The following ITGAE variants were observed in gnomAD, a reference collection of about 807,000 sequenced individuals.
ITGAE encodes the protein integrin alpha-E.
Under a neutral mutation model 136.5 loss-of-function variants are expected in ITGAE, and 99 were observed. The observed-to-expected ratio is 0.73, with a 90% CI of 0.62 to 0.86. The LOEUF (loss-of-function observed/expected upper bound fraction) is 0.86. Ranked by LOEUF, ITGAE falls within the 40% of genes least tolerant of loss-of-function variation. ITGAE has a pLI of 0.00. For synonymous variants in ITGAE, 613 were observed against 591.8 expected (o/e 1.04, Z -0.52); for missense variants, 1,447 against 1,515.3 (o/e 0.95, Z 0.75).
intron 2 of ITGAE, among the ~76,000 whole-genome samples, chr17:3,765,838 C>T (rs1430887604): frequency 1.3e-5 from 2 of 152,080 alleles, no homozygotes; most frequent in South Asian, 2.1e-4. Flanking sequence ...TCTTCCTTGC[C>T]GGCACACTCT....
chr17:3,743,526 A>G lies in ITGAE; in HGVS notation c.2411T>C (p.Ile804Thr), dbSNP rs1597322793. The G allele has an allele frequency of 6.2e-7, 1 of 1,610,536 alleles. No homozygotes were observed. The highest frequency in any genetic ancestry group is 1.1e-5 in the South Asian group (1 of 90,586). The change falls in exon 19 of 31, where the codon ATC becomes ACC. Residue 804 changes from isoleucine to threonine, a missense_variant. Physicochemically the swap from Ile to Thr is moderately conservative, Grantham distance 89. Transcript: ENST00000263087. ...PEGQTDHPQP[I>T]LDRYTEPFAI... ...AAAGGGCTCAGTGTAGCGGTCCAGG[A>G]TGGGCTGGGGATGGTCCGTCTGTCC...
In ITGAE at chr17:3,719,234, T is replaced by TAAAAAAAAA. The variant is rs2050999265; in HGVS notation, c.3333+1072_3333+1073insTTTTTTTTT. 5.7e-5 allele frequency among the ~76,000 whole-genome samples: 2 copies of TAAAAAAAAA among 34,818 alleles called. 1 individual carries two copies. Among genetic ancestry groups the TAAAAAAAAA allele is most frequent in the African/African-American group, 2.4e-4 (2 of 8,240 alleles). 22.8% of individuals were successfully genotyped at this position (34,818 alleles called of 152,430 possible). The stretch of plus-strand genomic sequence containing the variant: ...CTGGGCGACACAGTGAGATTCTTCC[T>TAAAAAAAAA]CAAAAAAAAAAAAAAAAAAAAAGAA... On this transcript the variant is annotated intron_variant, in intron 29 of 30. Coordinates refer to ENST00000263087, the MANE Select transcript of ITGAE (RefSeq NM_002208.5).
At chr17:3,772,313 G>C (rs560820407) in intron 2 of ITGAE, among the ~76,000 whole-genome samples, 4 of 152,164 alleles carry the variant, frequency 2.6e-5, no homozygotes, top group African/African-American at 9.6e-5. Context: ...TCATGAGCCC[G>C]GGAGCTCCAT....
At chr17:3,753,711 C>A in intron 13 of ITGAE, 72 bp downstream of exon 13, 2 of 1,576,054 alleles carry the variant, frequency 1.3e-6, no homozygotes, top group Middle Eastern at 3.8e-4. Context: ...ACCGTGGGAC[C>A]CACTCCTTTC....
Position 3,795,524 on chromosome 17 carries a change from G to A in ITGAE, c.34+5587C>T, listed in dbSNP as rs375421896. Among the ~76,000 whole-genome samples the A allele has an allele frequency of 7.9e-5, 12 of 152,348 alleles. 1 individual carries two copies. The highest frequency in any genetic ancestry group is 2.6e-4 in the African/African-American group (11 of 41,576). ...GTGGTTTGTGCATGGCCCGTCGGAA[G>A]ATTGAATATTTGTGTCTGGGGCTCA... is the stretch of plus-strand genomic sequence containing the variant. On this transcript the variant is annotated intron_variant, in intron 1 of 30. Transcript: ENST00000263087.
chr17:3,720,227 G>A, intron 29 of ITGAE, 80 bp downstream of exon 29: 3 of 704,782 alleles, frequency 4.3e-6, no homozygotes, highest in Non-Finnish European at 5.2e-6. Context: ...CAGGAAGAGG[G>A]CAACAGAATG....
chr17:3,777,641 A>G lies in ITGAE; in HGVS notation c.54T>C (p.Ala18=), dbSNP rs2143312483. 2 of 1,613,380 alleles carry G rather than the reference A, an allele frequency of 1.2e-6. No homozygotes were observed. Among genetic ancestry groups the G allele is most frequent in the Non-Finnish European group, 8.5e-7 (1 of 1,179,686 alleles). The change falls in exon 2 of 31, where the codon GCT becomes GCC. Residue 18 remains alanine (A), a synonymous_variant. Coordinates refer to ENST00000263087, the MANE Select transcript of ITGAE (RefSeq NM_002208.5). ...LCIASLALLA[A]FNVDVARPWL... ...AGGGCCGGGCCACATCCACATTGAA[A>G]GCGGCCAGCAGGGCCAGGCCTGTAG...
chr17:3,720,438 A>C (rs375010723), intron 28 of ITGAE, 36 bp from the exon 29 acceptor site: 1 of 959,758 alleles, frequency 1.0e-6, no homozygotes, highest in East Asian at 2.4e-5. Flanking sequence ...GAAACAAAAC[A>C]TATTTTAGAC....
intron 26 of ITGAE, chr17:3,726,608 G>A (rs905123153): frequency 3.0e-5 from 12 of 404,838 alleles, no homozygotes; most frequent in African/African-American, 6.0e-5. Flanking sequence ...CAGGAGGATC[G>A]CTTGAGCCCA....
In ITGAE at chr17:3,759,407, G is replaced by A. The variant is rs751381832; in HGVS notation, c.861C>T (p.His287=). 32 of 1,613,468 alleles carry A rather than the reference G, an allele frequency of 2.0e-5. No homozygotes were observed. The highest frequency in any genetic ancestry group is 1.1e-4 in the South Asian group (10 of 91,076). Reference sequence around the variant, plus strand: ...CCTGCAGCCCCCACACTCACAAGACGTGTTGCATGGCTGAGGCAGTCTTGG... The same window carrying A: ...CCTGCAGCCCCCACACTCACAAGACATGTTGCATGGCTGAGGCAGTCTTGG... ...SVTKTASAMQ[H]VLDSIFTSSH... Residue 287 remains histidine (H), a synonymous_variant, in exon 8 of 31, where the codon CAC becomes CAT. Coordinates refer to ENST00000263087, the MANE Select transcript of ITGAE (RefSeq NM_002208.5).
chr17:3,731,044 G>T, intron 23 of ITGAE, 60 bp downstream of exon 23: 1 of 1,368,346 alleles, frequency 7.3e-7, no homozygotes, highest in Non-Finnish European at 1.0e-6. Flanking sequence ...GCGTGCATGT[G>T]GCAGGGAGAT....
intron 24 of ITGAE, among the ~76,000 whole-genome samples, chr17:3,728,873 A>C (rs1339199783): frequency 1.3e-5 from 2 of 151,484 alleles, no homozygotes; most frequent in Admixed American, 6.6e-5. Flanking sequence ...TCTCTATTAA[A>C]AATTTTTTAA....
intron 15 of ITGAE, 135 bp downstream of exon 15, chr17:3,751,515 T>A: frequency 1.3e-6 from 1 of 753,532 alleles, no homozygotes; most frequent in South Asian, 1.8e-5. Flanking sequence ...GGGGGACTTC[T>A]TTCTTTCACT....
Position 3,753,878 on chromosome 17 carries a change from C to A in ITGAE, c.1432G>T (p.Ala478Ser). 1 of 1,614,120 alleles carries A rather than the reference C, an allele frequency of 6.2e-7. No homozygotes were observed. Among genetic ancestry groups the A allele is most frequent in the African/African-American group, 1.3e-5 (1 of 75,034 alleles). ...LHKTCSLSYI[A>S]GAPRYKHHGA... ...TGATGTTTGTACCGTGGAGCCCCCG[C>A]GATGTAGGAGAGGCTGCAGGTCTTG... The change falls in exon 13 of 31, where the codon GCG becomes TCG. Residue 478 changes from alanine to serine, a missense_variant. Physicochemically the swap from Ala to Ser is moderately conservative, Grantham distance 99. Around this residue, in one of 3 missense-constraint regions of ITGAE, gnomAD observed 1,031 missense variants for 1,011.4 expected, o/e 1.02. Coordinates refer to ENST00000263087, the MANE Select transcript of ITGAE (RefSeq NM_002208.5).
intron 2 of ITGAE, among the ~76,000 whole-genome samples, chr17:3,771,873 A>C (rs1326348923): frequency 6.6e-6 from 1 of 151,948 alleles, no homozygotes; most frequent in Non-Finnish European, 1.5e-5. Flanking sequence ...TGTTGATAAA[A>C]TTTTACCCAA....
Position 3,757,236 on chromosome 17 carries a change from C to G in ITGAE, c.1021-102G>C, listed in dbSNP as rs916809241. The G allele has an allele frequency of 5.2e-6, 7 of 1,348,268 alleles. No homozygotes were observed. The African/African-American group carries it at 1.0e-4, about 20-fold the overall frequency. The allele number at this position is 1,348,268 out of a possible 1,614,324, so 83.5% of individuals were successfully genotyped here. On this transcript the variant is annotated intron_variant, in intron 9 of 30. Transcript: ENST00000263087. ...TCTGGCCTCTGGGGCCCTCCATTAC[C>G]TGTCTCCTTCCTTCCTTTCTCCTCC...
chr17:3,759,113 A>G (rs1209651855), intron 8 of ITGAE, among the ~76,000 whole-genome samples: 1 of 145,618 alleles, frequency 6.9e-6, no homozygotes, highest in Non-Finnish European at 1.5e-5. Flanking sequence ...TGACAGAGCA[A>G]GACTCCATCT....
At chr17:3,738,240 GGCTCACTGCACCCTCC>G (rs1331962008) in intron 20 of ITGAE, among the ~76,000 whole-genome samples, 1 of 147,034 alleles carries the variant, frequency 6.8e-6, no homozygotes, top group Non-Finnish European at 1.5e-5. Context: ...GAGCGATCTC[GGCTCACTGCACCCTCC>G]GCCTCCCGAG....
intron 26 of ITGAE, chr17:3,725,907 A>C (rs372363556): frequency 2.5e-6 from 4 of 1,612,984 alleles, no homozygotes; most frequent in Non-Finnish European, 2.5e-6. Flanking sequence ...CGTGCTCTTA[A>C]AGAAAACCAG....
Sources: gnomAD v4.1 joint callset for allele counts (sites outside exome capture counted in the v4.1 genomes callset) on GRCh38, gnomAD v4.1.1 for gene constraint, gnomAD v4.1.1 regional missense constraint, MANE v1.5 for transcripts, NCBI Gene and HGNC (gene_info 2026-07-23, HGNC 2026-07-21) for gene names.